The following ACMSD variants were observed in gnomAD, a reference collection of about 807,000 sequenced individuals.
ACMSD encodes 2-amino-3-carboxymuconate-6-semialdehyde decarboxylase.
In ACMSD, 37 loss-of-function variants were observed where a neutral mutation model predicts 45.9. The ratio of observed to expected loss-of-function variants is 0.81; its 90% CI spans 0.62 to 1.06. ACMSD has a LOEUF of 1.06. Among genes scored for constraint, ACMSD ranks in the 50% least tolerant of loss-of-function variants. The probability of loss-of-function intolerance (pLI) is 0.00; values close to 1 mark genes in which losing one functional copy is unlikely to be tolerated. For synonymous variants in ACMSD, 138 were observed against 148.8 expected, an observed-to-expected ratio of 0.93 and a Z score of 0.53; for missense variants, 434 against 420.9, an observed-to-expected ratio of 1.03 and a Z score of -0.27.
At chr2:134,846,236 T>G (rs1687046989) in intron 2 of ACMSD, among the ~76,000 whole-genome samples, 4 of 152,146 alleles carry the variant, frequency 2.6e-5, no homozygotes, top group Admixed American at 2.6e-4. Context: ...CTACCAGCAT[T>G]TCTCAAACTG....
chr2:134,886,370 T>C (rs1201960636), intron 8 of ACMSD, among the ~76,000 whole-genome samples: 1 of 149,872 alleles, frequency 6.7e-6, no homozygotes, highest in East Asian at 2.0e-4. Context: ...TGCCTCAGCC[T>C]CTCGAGTAGC....
intron 2 of ACMSD, among the ~76,000 whole-genome samples, chr2:134,848,827 G>C (rs962914633): frequency 6.6e-6 from 1 of 152,274 alleles, no homozygotes. Flanking sequence ...TAGTCATGAA[G>C]TCTTTGCCCA....
intron 8 of ACMSD, among the ~76,000 whole-genome samples, chr2:134,885,697 A>C (rs1292573579): frequency 1.3e-5 from 2 of 152,062 alleles, no homozygotes; most frequent in African/African-American, 4.8e-5. Flanking sequence ...AAATTATTAA[A>C]CTAGATTTTT....
chr2:134,899,336 C>A (rs1300701293), intron 9 of ACMSD, among the ~76,000 whole-genome samples: 1 of 152,114 alleles, frequency 6.6e-6, no homozygotes, highest in African/African-American at 2.4e-5. Context: ...AAGTTATTAA[C>A]TGGGAAACCT....
intron 5 of ACMSD, chr2:134,867,325 A>G: frequency 3.5e-6 from 1 of 284,098 alleles, no homozygotes; most frequent in East Asian, 6.2e-5. Flanking sequence ...ACCAGATGAT[A>G]TATTAAGTTC....
rs1463571211 is a variant in ACMSD at position 134,845,216 on chromosome 2, G to A, written c.58-17G>A. ...GTCTTTGCTCTTTGACTCTAACTGT[G>A]CTTCTCCCCACTGCAGAGGTTTGGC... On this transcript the variant is annotated splice_polypyrimidine_tract_variant and intron_variant, in intron 1 of 9. Coordinates refer to ENST00000356140, the MANE Select transcript of ACMSD (RefSeq NM_138326.3). The A allele has an allele frequency of 1.2e-6, 2 of 1,613,962 alleles. No individual in the cohort carries two copies. Among genetic ancestry groups the A allele is most frequent in the Admixed American group, 3.3e-5 (2 of 59,980 alleles).
At chr2:134,864,430 C>A (rs907020279) in intron 5 of ACMSD, among the ~76,000 whole-genome samples, 1 of 152,152 alleles carries the variant, frequency 6.6e-6, no homozygotes, top group Non-Finnish European at 1.5e-5. Context: ...TGTTACCATA[C>A]ATAGTTACTT....
In ACMSD at chr2:134,901,861, C is replaced by T. The variant is rs1690520764; in HGVS notation, c.*1C>T. ...TCTTGAGAGAAAACAATTTGAATGACTGAATTTACTACAAAGGCAAACTTT... is the reference window on the plus strand; with the variant it reads ...TCTTGAGAGAAAACAATTTGAATGATTGAATTTACTACAAAGGCAAACTTT... On this transcript the variant is annotated 3_prime_UTR_variant, in exon 10 of 10. Transcript: ENST00000356140. The T allele has an allele frequency of 1.3e-6, 2 of 1,596,738 alleles. No homozygotes were observed. Among genetic ancestry groups the T allele is most frequent in the Non-Finnish European group, 1.7e-6 (2 of 1,168,256 alleles).
intron 8 of ACMSD, among the ~76,000 whole-genome samples, chr2:134,874,731 G>A (rs1395109352): frequency 2.0e-5 from 3 of 152,060 alleles, no homozygotes; most frequent in Non-Finnish European, 4.4e-5. Flanking sequence ...ATCTACATGA[G>A]GGCAGATAAT....
In ACMSD at chr2:134,839,545, T is replaced by G. The variant is rs1485123406; in HGVS notation, c.57+806T>G. Among the ~76,000 whole-genome samples, 3 of 152,230 alleles carry G rather than the reference T, an allele frequency of 2.0e-5. No homozygotes were observed. In the East Asian group the frequency reaches 5.8e-4, roughly 29 times the overall value. On this transcript the variant is annotated intron_variant, in intron 1 of 9. Transcript: ENST00000356140. ...GCCAGTACTTTCACACCACCGATAA[T>G]GTTTCAACTTTTTTATCCCAAGTGA...
chr2:134,889,842 A>T (rs1389476373), intron 8 of ACMSD, among the ~76,000 whole-genome samples: 1 of 152,080 alleles, frequency 6.6e-6, no homozygotes, highest in Non-Finnish European at 1.5e-5. Context: ...TATCAAAATA[A>T]ACAGTGATAA....
intron 3 of ACMSD, chr2:134,859,650 T>C (rs1407887704): frequency 1.7e-5 from 4 of 229,160 alleles, no homozygotes; most frequent in Non-Finnish European, 3.3e-5. Flanking sequence ...GTATAGTATT[T>C]ACTTATTATA....
intron 8 of ACMSD, among the ~76,000 whole-genome samples, chr2:134,879,011 T>C (rs1007039991): frequency 5.3e-5 from 8 of 152,242 alleles, no homozygotes; most frequent in East Asian, 1.9e-4. Context: ...CCTAAATCTT[T>C]TGAGGTTATA....
intron 8 of ACMSD, among the ~76,000 whole-genome samples, chr2:134,886,246 A>ATTATTATTATTATTATTATTTTTTTTTTT: frequency 8.7e-6 from 1 of 115,452 alleles, no homozygotes; most frequent in African/African-American, 3.6e-5. Flanking sequence ...TATTATTATT[A>ATTATTATTATTATTATTATTTTTTTTTTT]TTTTTTTTTT....
chr2:134,875,069 CA>C (rs1688664011), intron 8 of ACMSD, among the ~76,000 whole-genome samples: 1 of 152,186 alleles, frequency 6.6e-6, no homozygotes, highest in Non-Finnish European at 1.5e-5. Flanking sequence ...GGCGTGATCA[CA>C]GCTCACTGCA....
At chr2:134,900,776 A>T (rs1690453878) in intron 9 of ACMSD, among the ~76,000 whole-genome samples, 2 of 152,214 alleles carry the variant, frequency 1.3e-5, no homozygotes, top group Admixed American at 1.3e-4. Flanking sequence ...TGGAGAAAGA[A>T]AACAAGACTT....
rs370052319 is a variant in ACMSD at position 134,871,060 on chromosome 2, G to A, written c.676G>A (p.Gly226Ser). 1 of 1,613,138 alleles carries A rather than the reference G, an allele frequency of 6.2e-7. No homozygotes were observed. Among genetic ancestry groups the A allele is most frequent in the Non-Finnish European group, 8.5e-7 (1 of 1,179,358 alleles). ...PKLKVCFAHG[G>S]GAFPFTVGRI... ...ACTGAAAGTGTGTTTCGCACATGGT[G>A]GTAAGACCCTATCTTTATTAGTCAG... The change falls in exon 7 of 10, where the codon GGT (glycine) becomes AGT (serine). Residue 226 changes from glycine to serine, a missense_variant and splice_region_variant. Gly to Ser is a moderately conservative substitution (Grantham distance 56). Coordinates refer to ENST00000356140, the MANE Select transcript of ACMSD (RefSeq NM_138326.3).
intron 8 of ACMSD, among the ~76,000 whole-genome samples, chr2:134,887,473 G>A (rs951538149): frequency 1.3e-5 from 2 of 151,924 alleles, no homozygotes; most frequent in African/African-American, 4.8e-5. Context: ...GCACGATCTC[G>A]GCTCACTGCA....
intron 3 of ACMSD, 44 bp downstream of exon 3, chr2:134,859,401 C>T: frequency 1.3e-6 from 2 of 1,574,538 alleles, no homozygotes; most frequent in Non-Finnish European, 1.7e-6. Flanking sequence ...GATGTAAAAG[C>T]AATGTCTGCC....
Sources: allele counts gnomAD v4.1 joint callset (sites outside exome capture counted in the v4.1 genomes callset), GRCh38; gene constraint gnomAD v4.1.1; transcripts MANE v1.5; gene names NCBI Gene and HGNC (gene_info 2026-07-23, HGNC 2026-07-21).